ZNF165: variants seen among roughly 807,000 people sequenced by gnomAD.
ZNF165 encodes zinc finger protein 165.
ZNF165 carries 14 observed loss-of-function variants against 19.6 expected under a neutral mutation model. The observed-to-expected ratio is 0.71, with a 90% CI of 0.47 to 1.12. The LOEUF (loss-of-function observed/expected upper bound fraction) is 1.12. Among genes scored for constraint, ZNF165 ranks in the 50% most tolerant of loss-of-function variants. ZNF165 has a pLI of 0.00. For missense variants in ZNF165, 504 were observed against 566.3 expected (o/e 0.89, Z 1.12); for synonymous variants, 165 against 195.0 (o/e 0.85, Z 1.28).
chr6:28,089,326 A>C lies in ZNF165; in HGVS notation c.1314A>C (p.Arg438=), dbSNP rs369727241. The change falls in exon 4 of 4, where the codon CGA becomes CGC. Residue 438 remains arginine (R), a synonymous_variant. Transcript: ENST00000683778. The part of the protein sequence containing the change: ...YECSECGKTF[R]VSSHLIRHFR... ...GTAGTGAATGTGGGAAAACCTTCCG[A>C]GTGAGCTCACATCTTATTCGACACT... 2.5e-6 allele frequency: 4 copies of C among 1,614,090 alleles called. No individual in the cohort carries two copies. The African/African-American group carries it at 5.3e-5, about 22-fold the overall frequency.
At position 28,087,407 on chromosome 6, in the gene ZNF165, G is replaced by A. The variant is rs543338145; in HGVS notation, c.550+1097G>A. The stretch of plus-strand genomic sequence containing the variant: ...ATTACATGTGCCTGCCACCATGCCC[G>A]GCTAATTTTTGTATTTTTAGTAGAG... On this transcript the variant is annotated intron_variant, in intron 3 of 3. Coordinates refer to ENST00000683778, the MANE Select transcript of ZNF165 (RefSeq NM_001376491.1). Among the ~76,000 whole-genome samples, 167 of 152,112 alleles carry A rather than the reference G, an allele frequency of 1.1e-3. 1 individual carries two copies. The highest frequency in any genetic ancestry group is 9.6e-4 in the Non-Finnish European group (65 of 68,002).
chr6:28,086,973 C>G (rs1182854349), intron 3 of ZNF165, among the ~76,000 whole-genome samples: 1 of 152,122 alleles, frequency 6.6e-6, no homozygotes, highest in Non-Finnish European at 1.5e-5. Flanking sequence ...GAAACAGATA[C>G]ATGATGATAT....
chr6:28,081,240 G>C (rs948115742), intron 1 of ZNF165: 3 of 152,314 alleles, frequency 2.0e-5, no homozygotes, highest in Admixed American at 1.3e-4. Context: ...GGTGGGGGCT[G>C]TCCTACTGAT....
chr6:28,085,349 A>T, intron 1 of ZNF165, 132 bp from the exon 2 acceptor site: 1 of 938,358 alleles, frequency 1.1e-6, no homozygotes, highest in Non-Finnish European at 1.6e-6. Context: ...TGTGTAATGG[A>T]GAATGACGAT....
chr6:28,084,477 G>A lies in ZNF165; in HGVS notation c.1-1004G>A, dbSNP rs2113683996. ...GTTTGAGACCAGCTTGGCCAACATG[G>A]TGAAACCACATCTCTACTAAAAATA... is the stretch of plus-strand genomic sequence containing the variant. On this transcript the variant is annotated intron_variant, in intron 1 of 3. Transcript: ENST00000683778. 1.3e-5 allele frequency among the ~76,000 whole-genome samples: 2 copies of A among 152,236 alleles called. 1 individual carries two copies. The highest frequency in any genetic ancestry group is 1.3e-4 in the Admixed American group (2 of 15,290).
chr6:28,085,779 TC>T lies in ZNF165; in HGVS notation c.301del (p.Leu101CysfsTer21). On this transcript the variant is annotated frameshift_variant, in exon 2 of 4. Transcript: ENST00000683778. LOFTEE classifies it high-confidence loss of function. ...ELLVLEQFLT[I>X]LPGDLQAWVH... ...CTGGTGCTAGAGCAGTTCCTGACCATCCTGCCAGGAGATTTGCAGGCCTGGG... is the reference window on the plus strand; with the variant it reads ...CTGGTGCTAGAGCAGTTCCTGACCATCTGCCAGGAGATTTGCAGGCCTGGG... 1 of 1,613,742 alleles carries T rather than the reference TC, an allele frequency of 6.2e-7. No individual in the cohort carries two copies. The highest frequency in any genetic ancestry group is 1.1e-5 in the South Asian group (1 of 91,064).
At position 28,088,640 on chromosome 6, in the gene ZNF165, G is replaced by C; in HGVS notation, c.628G>C (p.Gly210Arg). ...EKIESQRIIS[G>R]RISGYISEAS... ...AATTGAATCACAGAGAATTATATCTGGAAGAATCTCAGGATACATATCAGA... is the reference window on the plus strand; with the variant it reads ...AATTGAATCACAGAGAATTATATCTCGAAGAATCTCAGGATACATATCAGA... The change falls in exon 4 of 4, where the codon GGA (glycine) becomes CGA (arginine). Residue 210 changes from glycine to arginine, a missense_variant. Coordinates refer to ENST00000683778, the MANE Select transcript of ZNF165 (RefSeq NM_001376491.1). 2 of 1,613,924 alleles carry C rather than the reference G, an allele frequency of 1.2e-6. No individual in the cohort carries two copies. The highest frequency in any genetic ancestry group is 1.7e-6 in the Non-Finnish European group (2 of 1,179,976).
intron 1 of ZNF165, among the ~76,000 whole-genome samples, chr6:28,084,115 A>G (rs976701968): frequency 2.0e-5 from 3 of 152,164 alleles, no homozygotes; most frequent in East Asian, 1.9e-4. Context: ...GGCATATACT[A>G]TACTGACCAA....
Position 28,089,175 on chromosome 6 carries a change from C to G in ZNF165, c.1163C>G (p.Thr388Ser). ...GKSFAESSDL[T>S]RHRRIHTGER... The stretch of plus-strand genomic sequence containing the variant: ...AGCTTTGCAGAGAGCTCAGATCTTA[C>G]TAGACATCGGCGAATTCACACTGGG... The change falls in exon 4 of 4, where the codon ACT becomes AGT. Residue 388 changes from threonine (T) to serine (S), a missense_variant. Physicochemically the swap from Thr to Ser is moderately conservative, Grantham distance 58. Coordinates refer to ENST00000683778, the MANE Select transcript of ZNF165 (RefSeq NM_001376491.1). The G allele has an allele frequency of 6.2e-7, 1 of 1,614,150 alleles. No individual in the cohort carries two copies.
chr6:28,084,615 C>T (rs1031437490), intron 1 of ZNF165, among the ~76,000 whole-genome samples: 4 of 152,068 alleles, frequency 2.6e-5, no homozygotes, highest in African/African-American at 4.8e-5. Context: ...GCCGAGATCG[C>T]GCCATTGCAC....
rs1442008718 is a variant in ZNF165, at chr6:28,089,225, T to C, written c.1213T>C (p.Cys405Arg). ...TGERPFGCKE[C>R]GRAFNLNSHL... Reference sequence around the variant, plus strand: ...GGAAAGACCCTTTGGTTGCAAAGAATGTGGGAGAGCATTCAACCTGAACTC... The same window carrying C: ...GGAAAGACCCTTTGGTTGCAAAGAACGTGGGAGAGCATTCAACCTGAACTC... The change falls in exon 4 of 4, where the codon TGT (cysteine) becomes CGT (arginine). Residue 405 changes from cysteine to arginine, a missense_variant. Cys to Arg is a radical substitution (Grantham distance 180). Coordinates refer to ENST00000683778, the MANE Select transcript of ZNF165 (RefSeq NM_001376491.1). The C allele has an allele frequency of 5.6e-6, 9 of 1,614,072 alleles. No homozygotes were observed. In the African/African-American group the frequency reaches 9.3e-5, roughly 17 times the overall value.
In ZNF165 at chr6:28,088,820, A is replaced by G. The variant is rs1382608761; in HGVS notation, c.808A>G (p.Ile270Val). 1.2e-6 allele frequency: 2 copies of G among 1,614,138 alleles called. No individual in the cohort carries two copies. Among genetic ancestry groups the G allele is most frequent in the Admixed American group, 1.7e-5 (1 of 60,012 alleles). The change falls in exon 4 of 4, where the codon ATA becomes GTA. Residue 270 changes from isoleucine to valine, a missense_variant. Ile to Val is a conservative substitution (Grantham distance 29). Coordinates refer to ENST00000683778, the MANE Select transcript of ZNF165 (RefSeq NM_001376491.1). ...THKNTVRGEI[I>V]SHDGCERRLN... Reference sequence around the variant, plus strand: ...CAAAAATACAGTCAGAGGTGAAATAATAAGCCACGATGGATGTGAGAGGAG... The same window carrying G: ...CAAAAATACAGTCAGAGGTGAAATAGTAAGCCACGATGGATGTGAGAGGAG...
chr6:28,088,349 C>T (rs1186125211), intron 3 of ZNF165, among the ~76,000 whole-genome samples: 6 of 152,178 alleles, frequency 3.9e-5, no homozygotes, highest in Non-Finnish European at 7.3e-5. Flanking sequence ...ATATGCTTCA[C>T]GTCTGATTCC....
chr6:28,088,600 G>T lies in ZNF165; in HGVS notation c.588G>T (p.Leu196=), dbSNP rs1187885926. 1.2e-6 allele frequency: 2 copies of T among 1,610,600 alleles called. No individual in the cohort carries two copies. The highest frequency in any genetic ancestry group is 2.7e-5 in the African/African-American group (2 of 74,620). Residue 196 remains leucine (L), a synonymous_variant, in exon 4 of 4, where the codon CTG becomes CTT. Coordinates refer to ENST00000683778, the MANE Select transcript of ZNF165 (RefSeq NM_001376491.1). The stretch of plus-strand genomic sequence containing the variant: ...AAAACAGTAGATCCATGCCAAAGCT[G>T]GAAATTTTTGAAAAAATTGAATCAC... The part of the protein sequence containing the change: ...ESENSRSMPK[L]EIFEKIESQR...
Position 28,089,279 on chromosome 6 carries a change from AC to A in ZNF165, c.1269del (p.Arg424GlufsTer16). 6.2e-7 allele frequency: 1 copy of A among 1,614,202 alleles called. No homozygotes were observed. The highest frequency in any genetic ancestry group is 8.5e-7 in the Non-Finnish European group (1 of 1,180,040). On this transcript the variant is annotated frameshift_variant, in exon 4 of 4. Coordinates refer to ENST00000683778, the MANE Select transcript of ZNF165 (RefSeq NM_001376491.1). LOFTEE classifies it low-confidence loss of function (END_TRUNC). ...TCTTATCAGGCATCAGAGAATTCACACCAGAGAGAAACCCTACGAGTGTAGT... is the reference window on the plus strand; with the variant it reads ...TCTTATCAGGCATCAGAGAATTCACACAGAGAGAAACCCTACGAGTGTAGT... ...SHLIRHQRIH[T>X]REKPYECSEC...
chr6:28,085,829 G>A lies in ZNF165; in HGVS notation c.349G>A (p.Gly117Arg), dbSNP rs751262378. 1.2e-6 allele frequency: 2 copies of A among 1,613,734 alleles called. No individual in the cohort carries two copies. The highest frequency in any genetic ancestry group is 8.5e-7 in the Non-Finnish European group (1 of 1,180,032). Residue 117 changes from glycine (G) to arginine (R), a missense_variant, in exon 2 of 4, where the codon GGA (glycine) becomes AGA (arginine). Physicochemically the swap from Gly to Arg is moderately radical, Grantham distance 125. Transcript: ENST00000683778. ...AWVHEHYPESGEEAVTILEDL... is the reference protein window; with the variant it reads ...AWVHEHYPESREEAVTILEDL... Reference sequence around the variant, plus strand: ...GGTACATGAACATTACCCAGAGAGTGGAGAGGAGGCAGTGACCATACTAGA... The same window carrying A: ...GGTACATGAACATTACCCAGAGAGTAGAGAGGAGGCAGTGACCATACTAGA...
Position 28,085,469 on chromosome 6 carries a change from T to G in ZNF165, c.1-12T>G, listed in dbSNP as rs1162705173. On this transcript the variant is annotated splice_polypyrimidine_tract_variant and intron_variant, in intron 1 of 3. Transcript: ENST00000683778. ...TTTCCAAAGCAGTTCTGATAATATA[T>G]TCTATCCACAGATGGCTACAGAACC... is the stretch of plus-strand genomic sequence containing the variant. 4 of 1,601,262 alleles carry G rather than the reference T, an allele frequency of 2.5e-6. No individual in the cohort carries two copies. The African/African-American group carries it at 5.4e-5, about 22-fold the overall frequency.
intron 3 of ZNF165, among the ~76,000 whole-genome samples, chr6:28,086,601 C>T (rs911353018): frequency 2.0e-5 from 3 of 152,034 alleles, no homozygotes; most frequent in East Asian, 1.9e-4. Context: ...CCCAGCTACT[C>T]GGAAGGCTGA....
rs1764136947 is a variant in ZNF165 at position 28,080,889 on chromosome 6, C to T, written c.-82C>T. 1 of 152,190 alleles carries T rather than the reference C, an allele frequency of 6.6e-6. No individual in the cohort carries two copies. Among genetic ancestry groups the T allele is most frequent in the African/African-American group, 2.4e-5 (1 of 41,422 alleles). The allele number at this position is 152,190 out of a possible 1,614,324, so 9.4% of individuals were successfully genotyped here. A position where few individuals can be genotyped will look rare whatever the true frequency, so the allele number is the denominator to read the frequency against. ...CGCCTTCTGCGCAGACTCACAAGTC[C>T]CTGTGGACGGAATTCTTGAAGTGTA... On this transcript the variant is annotated 5_prime_UTR_variant, in exon 1 of 4. Coordinates refer to ENST00000683778, the MANE Select transcript of ZNF165 (RefSeq NM_001376491.1).
Sources: allele counts gnomAD v4.1 joint callset (sites outside exome capture counted in the v4.1 genomes callset), GRCh38; gene constraint gnomAD v4.1.1; transcripts MANE v1.5; gene names NCBI Gene and HGNC (gene_info 2026-07-23, HGNC 2026-07-21).